Variants in RALYL observed in about 807,000 individuals in gnomAD.
The protein encoded by RALYL is RNA-binding Raly-like protein.
RALYL carries 29 observed loss-of-function variants against 35.1 expected under a neutral mutation model. That is an observed-to-expected ratio of 0.83 (90% CI 0.61 to 1.13). The LOEUF (loss-of-function observed/expected upper bound fraction) is 1.13. RALYL is among the 50% of genes most tolerant of loss of function. The pLI is 0.00. For synonymous variants in RALYL, 120 were observed against 127.6 expected (o/e 0.94, Z 0.40); for missense variants, 359 against 360.4 (o/e 1.00, Z 0.03).
chr8:84,675,073 T>A (rs1833938099), intron 2 of RALYL, among the ~76,000 whole-genome samples: 1 of 152,152 alleles, frequency 6.6e-6, no homozygotes, highest in Non-Finnish European at 1.5e-5. Flanking sequence ...CTTGTTAAAT[T>A]GAAGGTTTTT....
chr8:84,321,778 T>C (rs192204824), intron 1 of RALYL, among the ~76,000 whole-genome samples: 2 of 152,114 alleles, frequency 1.3e-5, no homozygotes, highest in African/African-American at 4.8e-5. Flanking sequence ...AAAGCTCTAG[T>C]ATAATAATAA....
intron 2 of RALYL, among the ~76,000 whole-genome samples, chr8:84,569,631 T>A (rs1365682462): frequency 1.3e-5 from 2 of 151,986 alleles, no homozygotes; most frequent in African/African-American, 4.8e-5. Flanking sequence ...TTGCATTTAC[T>A]TTTAGGGTCT....
intron 1 of RALYL, among the ~76,000 whole-genome samples, chr8:84,490,716 T>A (rs904401035): frequency 1.3e-5 from 2 of 150,138 alleles, no homozygotes; most frequent in African/African-American, 2.4e-5. Context: ...TATATATATT[T>A]TTATTATTAT....
At chr8:84,288,137 T>C (rs1838024774) in intron 1 of RALYL, among the ~76,000 whole-genome samples, 1 of 152,122 alleles carries the variant, frequency 6.6e-6, no homozygotes, top group Admixed American at 6.5e-5. Flanking sequence ...ACCAGGAGTA[T>C]TGGTTACAGA....
chr8:84,697,576 T>C (rs554833599), intron 2 of RALYL, among the ~76,000 whole-genome samples: 6 of 152,216 alleles, frequency 3.9e-5, no homozygotes, highest in Admixed American at 3.9e-4. Context: ...AATCACAATA[T>C]ATGCACCTCT....
intron 2 of RALYL, among the ~76,000 whole-genome samples, chr8:84,621,263 G>A (rs1821364167): frequency 6.6e-6 from 1 of 152,166 alleles, no homozygotes; most frequent in South Asian, 2.1e-4. Context: ...GTGGGCGTAG[G>A]ACTCTCTGAG....
intron 1 of RALYL, among the ~76,000 whole-genome samples, chr8:84,256,189 T>C (rs149908409): frequency 6.6e-6 from 1 of 152,256 alleles, no homozygotes; most frequent in East Asian, 1.9e-4. Context: ...ACATTTTCTG[T>C]TCTAGTTTTG....
intron 2 of RALYL, among the ~76,000 whole-genome samples, chr8:84,551,601 T>A (rs980437833): frequency 6.6e-6 from 1 of 151,736 alleles, no homozygotes; most frequent in Non-Finnish European, 1.5e-5. Context: ...TAGCTTGATT[T>A]AAAAAAAATG....
intron 8 of RALYL, among the ~76,000 whole-genome samples, chr8:84,906,205 A>C (rs1365677): frequency 0.3 from 46,018 of 151,982 alleles, 7,513 homozygotes; most frequent in East Asian, 0.61. Flanking sequence ...AATTCTTTTC[A>C]AGTTTATTTT....
intron 4 of RALYL, among the ~76,000 whole-genome samples, chr8:84,845,163 G>A (rs768577177): frequency 2.0e-5 from 3 of 152,086 alleles, no homozygotes; most frequent in Non-Finnish European, 4.4e-5. Flanking sequence ...TATTTCCTTT[G>A]TGAGCTTATT....
chr8:84,684,142 C>T (rs1410433309), intron 2 of RALYL, among the ~76,000 whole-genome samples: 1 of 152,140 alleles, frequency 6.6e-6, no homozygotes, highest in Non-Finnish European at 1.5e-5. Flanking sequence ...TGAAGGCTTT[C>T]AAATGAAAAC....
intron 2 of RALYL, among the ~76,000 whole-genome samples, chr8:84,645,315 A>C (rs1432661800): frequency 6.6e-6 from 1 of 151,768 alleles, no homozygotes; most frequent in Non-Finnish European, 1.5e-5. Flanking sequence ...CTATATATTT[A>C]TACTATATTT....
intron 1 of RALYL, among the ~76,000 whole-genome samples, chr8:84,280,601 C>A (rs1305224754): frequency 6.6e-6 from 1 of 151,570 alleles, no homozygotes; most frequent in Non-Finnish European, 1.5e-5. Context: ...AGTACATCAC[C>A]ATACCATAAT....
intron 1 of RALYL, among the ~76,000 whole-genome samples, chr8:84,339,985 G>GT (rs770079246): frequency 1.3e-5 from 2 of 152,064 alleles, no homozygotes; most frequent in Admixed American, 6.6e-5. Context: ...ATGGGGATGG[G>GT]TTTTTCCCAT....
intron 2 of RALYL, among the ~76,000 whole-genome samples, chr8:84,552,023 C>CAG (rs1294063936): frequency 1.3e-5 from 2 of 150,484 alleles, no homozygotes; most frequent in Admixed American, 6.6e-5. Flanking sequence ...CATACACATA[C>CAG]AGAGAGAGAG....
chr8:84,476,626 A>G (rs1348429820), intron 1 of RALYL, among the ~76,000 whole-genome samples: 2 of 152,120 alleles, frequency 1.3e-5, no homozygotes, highest in Non-Finnish European at 2.9e-5. Context: ...CATACATATC[A>G]ATATTAGTAT....
At chr8:84,430,708 C>A (rs2047054794) in intron 1 of RALYL, among the ~76,000 whole-genome samples, 1 of 151,876 alleles carries the variant, frequency 6.6e-6, no homozygotes, top group Admixed American at 6.6e-5. Flanking sequence ...AATGTTTTAA[C>A]TATTTATTTT....
intron 4 of RALYL, among the ~76,000 whole-genome samples, chr8:84,805,315 C>G (rs1824328696): frequency 6.6e-6 from 1 of 152,196 alleles, no homozygotes; most frequent in South Asian, 2.1e-4. Context: ...AGCTGAGGAA[C>G]CCTGAGGCAA....
intron 1 of RALYL, among the ~76,000 whole-genome samples, chr8:84,213,770 C>T (rs1453140136): frequency 1.3e-5 from 2 of 152,206 alleles, no homozygotes; most frequent in Non-Finnish European, 2.9e-5. Context: ...ATTTATATTT[C>T]GGTTCTGTCC....
Sources: allele counts gnomAD v4.1 joint callset (sites outside exome capture counted in the v4.1 genomes callset), GRCh38; gene constraint gnomAD v4.1.1; transcripts MANE v1.5; gene names NCBI Gene and HGNC (gene_info 2026-07-23, HGNC 2026-07-21).